The following CDS2 variants were observed in gnomAD, a reference collection of about 807,000 sequenced individuals.
The protein encoded by CDS2 is phosphatidate cytidylyltransferase 2.
In CDS2, 47 loss-of-function variants were observed where a neutral mutation model predicts 59.0. The observed-to-expected ratio is 0.80, with a 90% CI of 0.63 to 1.02. The LOEUF is 1.02. CDS2 is among the 50% of genes least tolerant of loss of function. The pLI is 0.00. For synonymous variants in CDS2, 207 were observed against 206.4 expected (o/e 1.00, Z -0.02); for missense variants, 356 against 558.9 (o/e 0.64, Z 3.66).
intron 4 of CDS2, among the ~76,000 whole-genome samples, chr20:5,178,327 A>T (rs961192134): frequency 2.0e-5 from 3 of 152,240 alleles, no homozygotes; most frequent in Non-Finnish European, 4.4e-5. Context: ...TATGAATAAA[A>T]TGGCATTTGA....
intron 1 of CDS2, among the ~76,000 whole-genome samples, chr20:5,156,477 G>C (rs551218586): frequency 6.6e-6 from 1 of 152,254 alleles, no homozygotes; most frequent in Non-Finnish European, 1.5e-5. Context: ...GTCCACAGAA[G>C]AGAGGCTGAA....
At chr20:5,139,797 T>TC (rs2090678741) in intron 1 of CDS2, among the ~76,000 whole-genome samples, 1 of 148,658 alleles carries the variant, frequency 6.7e-6, no homozygotes, top group South Asian at 2.1e-4. Context: ...TTTTTCAGCA[T>TC]CCTTTTTTTT....
At chr20:5,132,564 A>G (rs748748747) in intron 1 of CDS2, among the ~76,000 whole-genome samples, 10 of 152,350 alleles carry the variant, frequency 6.6e-5, no homozygotes, top group Admixed American at 1.3e-4. Context: ...TTAAAGAACT[A>G]TAACTACTTC....
At position 5,197,108 on chromosome 20, in the gene CDS2, G is replaced by C. The variant is rs1271922149; in HGVS notation, c.*6874G>C. 1 of 152,114 alleles carries C rather than the reference G, an allele frequency of 6.6e-6. No individual in the cohort carries two copies. The highest frequency in any genetic ancestry group is 2.4e-5 in the African/African-American group (1 of 41,422). The allele number at this position is 152,114 out of a possible 1,614,324, so 9.4% of individuals were successfully genotyped here. On this transcript the variant is annotated 3_prime_UTR_variant, in exon 13 of 13. Transcript: ENST00000460006. ...CCGTCCAGGGAGATTTGAAGCCATGGGTTATCTTCTAGAGTTGATACTGAT... is the reference window on the plus strand; with the variant it reads ...CCGTCCAGGGAGATTTGAAGCCATGCGTTATCTTCTAGAGTTGATACTGAT...
Position 5,193,621 on chromosome 20 carries a change from T to C in CDS2, c.*3387T>C, listed in dbSNP as rs2091134934. On this transcript the variant is annotated 3_prime_UTR_variant, in exon 13 of 13. Coordinates refer to ENST00000460006, the MANE Select transcript of CDS2 (RefSeq NM_003818.4). ...CAGTGAGCCCTTGGCTCAGCCCTTG[T>C]CACCTGTTTGTATGGGGACCATGTT... is the stretch of plus-strand genomic sequence containing the variant. The C allele has an allele frequency of 1.3e-5, 2 of 152,224 alleles. No homozygotes were observed. The highest frequency in any genetic ancestry group is 4.1e-4 in the South Asian group (2 of 4,828). 9.4% of individuals were successfully genotyped at this position (152,224 alleles called of 1,614,324 possible). A position where few individuals can be genotyped will look rare whatever the true frequency, so the allele number is the denominator to read the frequency against.
chr20:5,135,914 G>C (rs1013074867), intron 1 of CDS2, among the ~76,000 whole-genome samples: 7 of 152,192 alleles, frequency 4.6e-5, no homozygotes, highest in African/African-American at 1.7e-4. Context: ...CTGTGTGGAA[G>C]GACCTGACCT....
intron 1 of CDS2, among the ~76,000 whole-genome samples, chr20:5,133,992 T>C (rs7264879): frequency 0.018 from 2,703 of 152,340 alleles, 86 homozygotes; most frequent in African/African-American, 0.061. Flanking sequence ...TATAAATCTT[T>C]CAAAATGTTA....
rs528919541 is a variant in CDS2 at position 5,174,260 on chromosome 20, C to T, written c.194+601C>T. 2.0e-5 allele frequency among the ~76,000 whole-genome samples: 3 copies of T among 152,290 alleles called. No homozygotes were observed. The South Asian group carries it at 6.2e-4, about 32-fold the overall frequency. Reference sequence around the variant, plus strand: ...TCAGTGTTCCTATGTGTGCCTCCAACTGTCCCCTTGGGAGTCTGAATTGTG... The same window carrying T: ...TCAGTGTTCCTATGTGTGCCTCCAATTGTCCCCTTGGGAGTCTGAATTGTG... On this transcript the variant is annotated intron_variant, in intron 2 of 12. Coordinates refer to ENST00000460006, the MANE Select transcript of CDS2 (RefSeq NM_003818.4).
chr20:5,185,631 G>A, intron 8 of CDS2, 127 bp from the exon 9 acceptor site: 2 of 743,418 alleles, frequency 2.7e-6, no homozygotes, highest in South Asian at 1.8e-5. Context: ...ATTTGGGGGA[G>A]CTTTAAAAGG....
At chr20:5,133,094 G>GAA (rs1413036981) in intron 1 of CDS2, among the ~76,000 whole-genome samples, 1 of 151,888 alleles carries the variant, frequency 6.6e-6, no homozygotes, top group African/African-American at 2.4e-5. Flanking sequence ...GTGATGGCGT[G>GAA]AACCCGGGAG....
At chr20:5,177,132 A>G (rs2091000446) in intron 4 of CDS2, among the ~76,000 whole-genome samples, 1 of 152,100 alleles carries the variant, frequency 6.6e-6, no homozygotes, top group Non-Finnish European at 1.5e-5. Flanking sequence ...GCATTCTGTG[A>G]CTGTGTTTGC....
chr20:5,159,520 TA>T lies in CDS2; in HGVS notation c.58-14000del, dbSNP rs1375500625. 2.5e-3 allele frequency among the ~76,000 whole-genome samples: 387 copies of T among 152,290 alleles called. 3 individuals carry two copies. Among genetic ancestry groups the T allele is most frequent in the African/African-American group, 8.7e-3 (363 of 41,548 alleles). On this transcript the variant is annotated intron_variant, in intron 1 of 12. Transcript: ENST00000460006. ...CTTTTTGTTTTGGATGATTTGCATG[TA>T]AACAAGTGTAAGGAATCTTTGTAAA...
chr20:5,165,926 A>G (rs2090910254), intron 1 of CDS2, among the ~76,000 whole-genome samples: 1 of 152,234 alleles, frequency 6.6e-6, no homozygotes, highest in Non-Finnish European at 1.5e-5. Flanking sequence ...CTAGTTCAGA[A>G]TGGCTGTAAG....
intron 1 of CDS2, among the ~76,000 whole-genome samples, chr20:5,144,210 A>G (rs527966409): frequency 6.6e-6 from 1 of 152,336 alleles, no homozygotes; most frequent in South Asian, 2.1e-4. Flanking sequence ...TGTAGATATA[A>G]TCTACATAAA....
In CDS2 at chr20:5,195,874, G is replaced by T. The variant is rs1213362865; in HGVS notation, c.*5640G>T. 6.6e-6 allele frequency: 1 copy of T among 152,116 alleles called. No homozygotes were observed. The highest frequency in any genetic ancestry group is 1.5e-5 in the Non-Finnish European group (1 of 68,030). The allele number at this position is 152,116 out of a possible 1,614,324, so 9.4% of individuals were successfully genotyped here. ...TCTAGGTTAGCAAAGACTCAAATGG[G>T]TGACTCATGAATGAAGGGAGAACAG... On this transcript the variant is annotated 3_prime_UTR_variant, in exon 13 of 13. Coordinates refer to ENST00000460006, the MANE Select transcript of CDS2 (RefSeq NM_003818.4).
At chr20:5,148,237 G>T (rs1600480501) in intron 1 of CDS2, among the ~76,000 whole-genome samples, 1 of 152,274 alleles carries the variant, frequency 6.6e-6, no homozygotes, top group East Asian at 1.9e-4. Flanking sequence ...ACTTGCTGGA[G>T]GTGGCACAGG....
chr20:5,129,309 C>T (rs751980791), intron 1 of CDS2, among the ~76,000 whole-genome samples: 1 of 152,198 alleles, frequency 6.6e-6, no homozygotes, highest in Non-Finnish European at 1.5e-5. Flanking sequence ...CGGAGTCTCT[C>T]TCTGTCGCCC....
Position 5,193,046 on chromosome 20 carries a change from T to C in CDS2, c.*2812T>C, listed in dbSNP as rs1276403116. Reference sequence around the variant, plus strand: ...TGAGCCAGGTTGGAGCTTAAATTGCTGTTGGCTCCTGCCTGGTGGAACAAG... The same window carrying C: ...TGAGCCAGGTTGGAGCTTAAATTGCCGTTGGCTCCTGCCTGGTGGAACAAG... On this transcript the variant is annotated 3_prime_UTR_variant, in exon 13 of 13. Transcript: ENST00000460006. 1 of 152,270 alleles carries C rather than the reference T, an allele frequency of 6.6e-6. No individual in the cohort carries two copies. The highest frequency in any genetic ancestry group is 1.5e-5 in the Non-Finnish European group (1 of 68,072). 9.4% of individuals were successfully genotyped at this position (152,270 alleles called of 1,614,324 possible).
chr20:5,197,621 C>T lies in CDS2; in HGVS notation c.*7387C>T, dbSNP rs1052717944. 4 of 152,118 alleles carry T rather than the reference C, an allele frequency of 2.6e-5. No homozygotes were observed. The highest frequency in any genetic ancestry group is 2.0e-4 in the Admixed American group (3 of 15,274). The allele number at this position is 152,118 out of a possible 1,614,324, so 9.4% of individuals were successfully genotyped here. ...ACACAGGCGACCTTGAAGCAGTTCT[C>T]GGTGTGTAGAGTCCACGTGACAGTC... On this transcript the variant is annotated 3_prime_UTR_variant, in exon 13 of 13. Transcript: ENST00000460006.
Sources: gnomAD v4.1 joint callset for allele counts (sites outside exome capture counted in the v4.1 genomes callset) on GRCh38, gnomAD v4.1.1 for gene constraint, MANE v1.5 for transcripts, NCBI Gene and HGNC (gene_info 2026-07-23, HGNC 2026-07-21) for gene names.